The following NOTCH2 variants were observed in gnomAD, a reference collection of about 807,000 sequenced individuals.
The protein encoded by NOTCH2 is neurogenic locus notch homolog protein 2.
Under a neutral mutation model 235.8 loss-of-function variants are expected in NOTCH2, and 29 were observed. The observed-to-expected ratio is 0.12, with a 90% CI of 0.09 to 0.17. The LOEUF (loss-of-function observed/expected upper bound fraction) is 0.17. NOTCH2 is among the 10% of genes least tolerant of loss of function. The probability of loss-of-function intolerance (pLI) is 1.00; values close to 1 mark genes in which losing one functional copy is unlikely to be tolerated. For missense variants in NOTCH2, 2,285 were observed against 3,150.2 expected, an observed-to-expected ratio of 0.73 and a Z score of 6.57; for synonymous variants, 1,086 against 1,141.5, an observed-to-expected ratio of 0.95 and a Z score of 0.98.
chr1:119,986,211 T>C (rs1652011809), intron 5 of NOTCH2, among the ~76,000 whole-genome samples: 1 of 152,160 alleles, frequency 6.6e-6, no homozygotes, highest in South Asian at 2.1e-4. Flanking sequence ...TTAATTTCTC[T>C]CAAAAAGGCC....
At chr1:119,916,953 T>C (rs587750894) in intron 33 of NOTCH2, among the ~76,000 whole-genome samples, 2 of 152,302 alleles carry the variant, frequency 1.3e-5, no homozygotes, top group African/African-American at 4.8e-5. Flanking sequence ...TCTCTTTAGT[T>C]GGGAATTCAT....
At chr1:119,926,964 A>G (rs1041048920) in intron 23 of NOTCH2, among the ~76,000 whole-genome samples, 1 of 152,242 alleles carries the variant, frequency 6.6e-6, no homozygotes, top group South Asian at 2.1e-4. Context: ...AACAGTTGAA[A>G]AACTATTCAC....
chr1:120,048,009 G>A (rs12131581), intron 1 of NOTCH2, among the ~76,000 whole-genome samples: 221 of 149,978 alleles, frequency 1.5e-3, no homozygotes, highest in African/African-American at 4.6e-3. Flanking sequence ...CTCGTGATCC[G>A]CCTGCCTTGG....
chr1:120,031,677 TTGCGCCACTAGCTG>T, intron 1 of NOTCH2, among the ~76,000 whole-genome samples: 3 of 129,288 alleles, frequency 2.3e-5, no homozygotes, highest in African/African-American at 8.7e-5. Context: ...TTATGGGGCA[TTGCGCCACTAGCTG>T]GTGGCAGTGC....
intron 11 of NOTCH2, among the ~76,000 whole-genome samples, chr1:119,962,589 T>G (rs1553199138): frequency 1.3e-5 from 2 of 152,170 alleles, no homozygotes; most frequent in Non-Finnish European, 2.9e-5. Context: ...TTTGACAAAT[T>G]TGAAGAAATG....
Position 119,953,601 on chromosome 1 carries a change from T to C in NOTCH2, c.2307A>G (p.Gly769=). 6.2e-7 allele frequency: 1 copy of C among 1,614,158 alleles called. No individual in the cohort carries two copies. Among genetic ancestry groups the C allele is most frequent in the Non-Finnish European group, 8.5e-7 (1 of 1,180,002 alleles). ...NECLSNPCQN[G]GTCDNLVNGY... ...CATTCACCAGATTGTCACAAGTTCCTCCATTCTGGCATGGATTCGAAAGGC... is the reference window on the plus strand; with the variant it reads ...CATTCACCAGATTGTCACAAGTTCCCCCATTCTGGCATGGATTCGAAAGGC... Residue 769 remains glycine, a synonymous_variant, in exon 14 of 34, where the codon GGA becomes GGG. Transcript: ENST00000256646.
Position 119,925,573 on chromosome 1 carries a change from T to C in NOTCH2, c.4243A>G (p.Thr1415Ala), listed in dbSNP as rs1649447182. 4 of 1,613,762 alleles carry C rather than the reference T, an allele frequency of 2.5e-6. No individual in the cohort carries two copies. The highest frequency in any genetic ancestry group is 1.6e-4 in the Middle Eastern group (1 of 6,062). The part of the protein sequence containing the change: ...PFSGSRCELY[T>A]APPSTPPATC... Reference sequence around the variant, plus strand: ...GCAGGAGGGGTGCTGGGGGGTGCCGTGTAGAGTTCACAGCGGCTACCCGAG... The same window carrying C: ...GCAGGAGGGGTGCTGGGGGGTGCCGCGTAGAGTTCACAGCGGCTACCCGAG... Residue 1415 changes from threonine to alanine, a missense_variant, in exon 25 of 34, where the codon ACG (threonine) becomes GCG (alanine). This residue lies in a region of NOTCH2 where 1,173 missense variants were observed against 1,515.3 expected (regional missense o/e 0.77). Transcript: ENST00000256646.
chr1:119,975,873 C>A (rs201571127), intron 5 of NOTCH2, among the ~76,000 whole-genome samples: 107 of 152,156 alleles, frequency 7.0e-4, no homozygotes, highest in East Asian at 1.9e-3. Context: ...CACCCACAAA[C>A]CACTAATCTG....
chr1:119,916,308 C>T lies in NOTCH2; in HGVS notation c.6414G>A (p.Lys2138=), dbSNP rs775001683. The change falls in exon 34 of 34, where the codon AAG becomes AAA. Residue 2138 remains lysine, a synonymous_variant. Transcript: ENST00000256646. ...TTACTGAACTCTCAGACAGTTGGAC[C>T]TTCTCACTCAGAGACTTCTTCCTCC... ...GSRRKKSLSE[K]VQLSESSVTL... 7 of 1,614,094 alleles carry T rather than the reference C, an allele frequency of 4.3e-6. No individual in the cohort carries two copies. In the Middle Eastern group the frequency reaches 4.9e-4, roughly 114 times the overall value.
chr1:119,950,810 T>C lies in NOTCH2; in HGVS notation c.2393A>G (p.Glu798Gly). The change falls in exon 15 of 34, where the codon GAA (glutamate) becomes GGA (glycine). Residue 798 changes from glutamate to glycine, a missense_variant. Transcript: ENST00000256646. ...GTTCAGGCATGGATTTGAGGCACAT[T>C]CATCAATATTCACCTGGCAGTTATA... ...KGYNCQVNID[E>G]CASNPCLNQG... 1 of 1,613,794 alleles carries C rather than the reference T, an allele frequency of 6.2e-7. No homozygotes were observed. The highest frequency in any genetic ancestry group is 8.5e-7 in the Non-Finnish European group (1 of 1,179,670).
intron 5 of NOTCH2, among the ~76,000 whole-genome samples, chr1:119,980,579 T>G (rs1160862842): frequency 6.6e-6 from 1 of 152,226 alleles, no homozygotes; most frequent in African/African-American, 2.4e-5. Context: ...CTTGTCTGTA[T>G]TAAAACTGTA....
chr1:120,005,737 A>G, intron 2 of NOTCH2, 149 bp from the exon 3 acceptor site: 1 of 558,326 alleles, frequency 1.8e-6, no homozygotes, highest in South Asian at 2.1e-5. Context: ...TTCCCTTTAG[A>G]AGAAAGAGTC....
chr1:119,917,669 T>A lies in NOTCH2; in HGVS notation c.6023A>T (p.Asn2008Ile), dbSNP rs760055927. The A allele has an allele frequency of 6.2e-7, 1 of 1,609,034 alleles. No homozygotes were observed. Among genetic ancestry groups the A allele is most frequent in the Non-Finnish European group, 8.5e-7 (1 of 1,175,656 alleles). The change falls in exon 33 of 34, where the codon AAC becomes ATC. Residue 2008 changes from asparagine to isoleucine, a missense_variant. Transcript: ENST00000256646. ...CTCAGAGCCCACAAACTGTACCTTG[T>A]TGTCCTGCATGTCTCGGTTGGCCCC... ...KNGANRDMQDNKEETPLFLAA... is the reference protein window; with the variant it reads ...KNGANRDMQDIKEETPLFLAA...
chr1:119,987,853 C>A (rs1407365149), intron 4 of NOTCH2, among the ~76,000 whole-genome samples: 2 of 152,138 alleles, frequency 1.3e-5, no homozygotes, highest in Non-Finnish European at 2.9e-5. Context: ...TGCTTCCTTC[C>A]TCTTGACTTT....
chr1:119,996,279 T>C (rs1478905512), intron 4 of NOTCH2: 22 of 202,898 alleles, frequency 1.1e-4, no homozygotes, highest in Non-Finnish European at 1.7e-4. Flanking sequence ...GTTTCTATCT[T>C]TGGGTTGTGT....
At chr1:119,948,359 C>T in intron 17 of NOTCH2, 55 bp downstream of exon 17, 1 of 1,607,650 alleles carries the variant, frequency 6.2e-7, no homozygotes, top group South Asian at 1.1e-5. Context: ...CTCTCCTCTG[C>T]TCCCTGTGTG....
Position 119,940,560 on chromosome 1 carries a change from A to G in NOTCH2, c.3178T>C (p.Cys1060Arg). ...ATGGGAAGGAAGTCAATTACCTGAC[A>G]GTTTTTCCCAGTGTAGCCCAGGGGG... The part of the protein sequence containing the change: ...SCPLGYTGKN[C>R]QTLVNLCSRS... The change falls in exon 19 of 34, where the codon TGT (cysteine) becomes CGT (arginine). Residue 1060 changes from cysteine (C) to arginine (R), a missense_variant. Cys to Arg is a radical substitution (Grantham distance 180). Coordinates refer to ENST00000256646, the MANE Select transcript of NOTCH2 (RefSeq NM_024408.4). 1 of 1,613,498 alleles carries G rather than the reference A, an allele frequency of 6.2e-7. No individual in the cohort carries two copies. The highest frequency in any genetic ancestry group is 8.5e-7 in the Non-Finnish European group (1 of 1,179,732).
chr1:119,950,583 C>G (rs1553197634), intron 15 of NOTCH2, 141 bp downstream of exon 15: 3 of 725,086 alleles, frequency 4.1e-6, no homozygotes, highest in Admixed American at 2.0e-5. Flanking sequence ...AAGATCCAGT[C>G]AGTAAAGGCA....
rs1056774370 is a variant in NOTCH2, at chr1:119,915,489, C to G, written c.7233G>C (p.Glu2411Asp). 6.2e-7 allele frequency: 1 copy of G among 1,614,008 alleles called. No individual in the cohort carries two copies. Among genetic ancestry groups the G allele is most frequent in the African/African-American group, 1.3e-5 (1 of 74,926 alleles). Residue 2411 changes from glutamate to aspartate, a missense_variant, in exon 34 of 34, where the codon GAG (glutamate) becomes GAC (aspartate). Coordinates refer to ENST00000256646, the MANE Select transcript of NOTCH2 (RefSeq NM_024408.4). The part of the protein sequence containing the change: ...TPSHSGHLQG[E>D]HPYLTPSPES... The stretch of plus-strand genomic sequence containing the variant: ...CTGGGGATGGTGTCAGGTAGGGATG[C>G]TCACCCTGGAGGTGACCACTGTGAC...
Sources: allele counts gnomAD v4.1 joint callset (sites outside exome capture counted in the v4.1 genomes callset), GRCh38; gene constraint gnomAD v4.1.1; regional missense constraint gnomAD v4.1.1; transcripts MANE v1.5; gene names NCBI Gene and HGNC (gene_info 2026-07-23, HGNC 2026-07-21).